STRAP: variants seen among roughly 807,000 people sequenced by gnomAD.
STRAP encodes the protein serine-threonine kinase receptor-associated protein.
In STRAP, 16 loss-of-function variants were observed where a neutral mutation model predicts 47.0. The observed-to-expected ratio is 0.34, with a 90% CI of 0.23 to 0.52. The LOEUF (loss-of-function observed/expected upper bound fraction) is 0.52. Ranked by LOEUF, STRAP falls within the 20% of genes least tolerant of loss-of-function variation. The pLI is 0.96. For synonymous variants in STRAP, 130 were observed against 142.7 expected (o/e 0.91, Z 0.63); for missense variants, 293 against 420.0 (o/e 0.70, Z 2.64).
chr12:15,900,896 ATTACT>A (rs757814323), intron 8 of STRAP, 46 bp from the exon 9 acceptor site: 5 of 1,415,570 alleles, frequency 3.5e-6, no homozygotes, highest in African/African-American at 2.9e-5. Flanking sequence ...AACACTGGAA[ATTACT>A]TTAATAGTGT....
chr12:15,891,378 C>T (rs1014862898), intron 4 of STRAP, among the ~76,000 whole-genome samples: 1 of 152,028 alleles, frequency 6.6e-6, no homozygotes, highest in Admixed American at 6.6e-5. Flanking sequence ...ATTAGCTATT[C>T]GAAAGAATTT....
chr12:15,884,105 C>T (rs2136106776), intron 2 of STRAP, among the ~76,000 whole-genome samples: 1 of 152,174 alleles, frequency 6.6e-6, no homozygotes, highest in South Asian at 2.1e-4. Flanking sequence ...AACAAAAAAA[C>T]AACAAAAAAA....
Position 15,894,463 on chromosome 12 carries a change from A to G in STRAP, c.500+320A>G, listed in dbSNP as rs985947852. Among the ~76,000 whole-genome samples, 1 of 152,240 alleles carries G rather than the reference A, an allele frequency of 6.6e-6. No homozygotes were observed. Among genetic ancestry groups the G allele is most frequent in the Non-Finnish European group, 1.5e-5 (1 of 68,028 alleles). On this transcript the variant is annotated intron_variant, in intron 5 of 9. Transcript: ENST00000419869. This position sits in a 1 kb window ranked among gnomAD's most constrained non-coding sequence, Gnocchi z 4.9. ...GACAGAGCTAGACTGTCTCAAAAGA[A>G]AAACAAACTTAAAATTTGCAAAATA...
chr12:15,892,898 G>A (rs1237179971), intron 4 of STRAP, among the ~76,000 whole-genome samples: 1 of 152,174 alleles, frequency 6.6e-6, no homozygotes, highest in Non-Finnish European at 1.5e-5. Context: ...CTTTCCCAAA[G>A]CTGTTTTATG....
At chr12:15,892,667 T>C (rs1284092055) in intron 4 of STRAP, among the ~76,000 whole-genome samples, 1 of 152,232 alleles carries the variant, frequency 6.6e-6, no homozygotes, top group African/African-American at 2.4e-5. Context: ...ATGAAAACAT[T>C]TTTAAGGTGA....
intron 4 of STRAP, among the ~76,000 whole-genome samples, chr12:15,891,475 TATATC>T (rs1356403999): frequency 1.3e-5 from 2 of 152,262 alleles, no homozygotes; most frequent in African/African-American, 2.4e-5. Context: ...ATCCTGTGGT[TATATC>T]ATAAGTGAAT....
At chr12:15,888,379 C>A (rs1054502281) in intron 2 of STRAP, among the ~76,000 whole-genome samples, 3 of 152,042 alleles carry the variant, frequency 2.0e-5, no homozygotes, top group African/African-American at 7.2e-5. Flanking sequence ...CAGAGAGTTG[C>A]ATTGGAATGA....
rs1948044787 is a variant in STRAP at position 15,894,523 on chromosome 12, A to C, written c.500+380A>C. ...AGAGCTTATATTTTAAATACATTTA[A>C]TATTATGTGTGAAAAATGTTCTGAA... On this transcript the variant is annotated intron_variant, in intron 5 of 9. Transcript: ENST00000419869. The surrounding 1 kb of genome is among the most constrained non-coding windows in gnomAD (Gnocchi z 4.9). Among the ~76,000 whole-genome samples, 1 of 152,230 alleles carries C rather than the reference A, an allele frequency of 6.6e-6. No homozygotes were observed. The highest frequency in any genetic ancestry group is 6.5e-5 in the Admixed American group (1 of 15,272).
chr12:15,897,870 A>AT lies in STRAP; in HGVS notation c.639-4dup. 4 of 1,497,026 alleles carry AT rather than the reference A, an allele frequency of 2.7e-6. No homozygotes were observed. Among genetic ancestry groups the AT allele is most frequent in the African/African-American group, 2.9e-5 (2 of 68,704 alleles). 92.7% of individuals were successfully genotyped at this position (1,497,026 alleles called of 1,614,324 possible). On this transcript the variant is annotated splice_polypyrimidine_tract_variant and intron_variant, in intron 6 of 9. Transcript: ENST00000419869. ...TTCAAGATTTGTAAATACTACTTAA[A>AT]TTTTTTTTCAGTTTGGACCCAATTA...
At chr12:15,885,408 C>T (rs1173603731) in intron 2 of STRAP, among the ~76,000 whole-genome samples, 2 of 151,174 alleles carry the variant, frequency 1.3e-5, no homozygotes, top group African/African-American at 2.4e-5. Flanking sequence ...AGGCCGGTCT[C>T]GAACTCCTGA....
chr12:15,900,010 T>C lies in STRAP; in HGVS notation c.882T>C (p.Thr294=). Residue 294 remains threonine, a synonymous_variant, in exon 8 of 10, where the codon ACT becomes ACC. Coordinates refer to ENST00000419869, the MANE Select transcript of STRAP (RefSeq NM_007178.4). ...SEDGTLRLWQ[T]VVGKTYGLWK... is the part of the protein sequence containing the mutation. The stretch of plus-strand genomic sequence containing the variant: ...ATGGAACATTGAGACTATGGCAAAC[T>C]GTGGTAGGAAAAACGTATGGCCTTT... 6.2e-7 allele frequency: 1 copy of C among 1,613,828 alleles called. No individual in the cohort carries two copies. The highest frequency in any genetic ancestry group is 8.5e-7 in the Non-Finnish European group (1 of 1,179,848).
chr12:15,885,205 T>TTTTTTTTA (rs1257112484), intron 2 of STRAP, among the ~76,000 whole-genome samples: 114 of 145,058 alleles, frequency 7.9e-4, no homozygotes, highest in African/African-American at 2.3e-3. Flanking sequence ...TTTTTTTTTT[T>TTTTTTTTA]AAAGACAGAG....
At chr12:15,899,575 G>A (rs1948086575) in intron 7 of STRAP, among the ~76,000 whole-genome samples, 2 of 152,200 alleles carry the variant, frequency 1.3e-5, no homozygotes, top group South Asian at 4.1e-4. Flanking sequence ...GGTTGAACTG[G>A]TAAGACTTTA....
intron 1 of STRAP, 187 bp downstream of exon 1, chr12:15,883,006 A>C: frequency 6.7e-7 from 1 of 1,493,918 alleles, no homozygotes; most frequent in Non-Finnish European, 9.0e-7. Context: ...GCTGGAGCCG[A>C]GAGGACGCTT....
chr12:15,886,624 CTG>C (rs1299335991), intron 2 of STRAP, among the ~76,000 whole-genome samples: 1 of 152,096 alleles, frequency 6.6e-6, no homozygotes, highest in Non-Finnish European at 1.5e-5. Flanking sequence ...TATGTCTTGT[CTG>C]TGGGGTGTAG....
At chr12:15,901,174 T>C (rs1489148184) in intron 9 of STRAP, among the ~76,000 whole-genome samples, 162 bp downstream of exon 9, 1 of 152,206 alleles carries the variant, frequency 6.6e-6, no homozygotes, top group Non-Finnish European at 1.5e-5. Context: ...ATTTATAAGC[T>C]AAATATTTAA....
intron 1 of STRAP, chr12:15,883,211 A>G (rs1436942423): frequency 1.5e-5 from 21 of 1,387,350 alleles, no homozygotes; most frequent in Non-Finnish European, 1.9e-5. Context: ...CTCACTGGAT[A>G]TTCCTTTGTG....
chr12:15,882,573 C>G lies in STRAP; in HGVS notation c.-135C>G. The G allele has an allele frequency of 1.4e-6, 1 of 718,970 alleles. No individual in the cohort carries two copies. The allele number at this position is 718,970 out of a possible 1,614,324, so 44.5% of individuals were successfully genotyped here. A position where few individuals can be genotyped will look rare whatever the true frequency, so the allele number is the denominator to read the frequency against. Reference sequence around the variant, plus strand: ...CTAACCTCGGTGCCACCGGATTGCCCTTCTTTTCCTGTTGCCCAGCCCAGC... The same window carrying G: ...CTAACCTCGGTGCCACCGGATTGCCGTTCTTTTCCTGTTGCCCAGCCCAGC... On this transcript the variant is annotated 5_prime_UTR_variant, in exon 1 of 10. Coordinates refer to ENST00000419869, the MANE Select transcript of STRAP (RefSeq NM_007178.4).
chr12:15,900,182 G>C, intron 8 of STRAP, 129 bp downstream of exon 8: 1 of 1,019,076 alleles, frequency 9.8e-7, no homozygotes, highest in South Asian at 1.9e-5. Flanking sequence ...TTTAAGCAGC[G>C]AGAAGCCCAG....
Sources: gnomAD v4.1 joint callset for allele counts (sites outside exome capture counted in the v4.1 genomes callset) on GRCh38, gnomAD v4.1.1 for gene constraint, Gnocchi (gnomAD v3.1) non-coding constraint, MANE v1.5 for transcripts, NCBI Gene and HGNC (gene_info 2026-07-23, HGNC 2026-07-21) for gene names.